The following PNPLA7 variants were observed in gnomAD, a reference collection of about 807,000 sequenced individuals.
PNPLA7 encodes the protein patatin like domain 7, lysophospholipase.
Under a neutral mutation model 161.7 loss-of-function variants are expected in PNPLA7, and 153 were observed. That is an observed-to-expected ratio of 0.95 (90% CI 0.83 to 1.08). The LOEUF is 1.08. Among genes scored for constraint, PNPLA7 ranks in the 50% least tolerant of loss-of-function variants. The probability of loss-of-function intolerance (pLI) is 0.00; values close to 1 mark genes in which losing one functional copy is unlikely to be tolerated. For synonymous variants in PNPLA7, 809 were observed against 782.1 expected, an observed-to-expected ratio of 1.03 and a Z score of -0.57; for missense variants, 1,739 against 1,856.6, an observed-to-expected ratio of 0.94 and a Z score of 1.16.
At chr9:137,526,422 C>T (rs1003907020) in intron 8 of PNPLA7, among the ~76,000 whole-genome samples, 3 of 152,212 alleles carry the variant, frequency 2.0e-5, no homozygotes, top group Non-Finnish European at 2.9e-5. Context: ...GGACTACAGG[C>T]GCCCGCCACC....
chr9:137,540,554 C>T lies in PNPLA7; in HGVS notation c.747+88G>A, dbSNP rs1426266274. On this transcript the variant is annotated intron_variant, in intron 8 of 34. Coordinates refer to ENST00000406427, the MANE Select transcript of PNPLA7 (RefSeq NM_001098537.3). This position sits in a 1 kb window ranked among gnomAD's most constrained non-coding sequence, Gnocchi z 5.1. Reference sequence around the variant, plus strand: ...TCACTGTGGAGAACTGGCCTTTAACCACTACCAGCTGTCCAGACAAGACAG... The same window carrying T: ...TCACTGTGGAGAACTGGCCTTTAACTACTACCAGCTGTCCAGACAAGACAG... The T allele has an allele frequency of 8.2e-7, 1 of 1,215,984 alleles. No homozygotes were observed. Among genetic ancestry groups the T allele is most frequent in the African/African-American group, 1.5e-5 (1 of 66,572 alleles). 75.3% of individuals were successfully genotyped at this position (1,215,984 alleles called of 1,614,324 possible). A position where few individuals can be genotyped will look rare whatever the true frequency, so the allele number is the denominator to read the frequency against.
chr9:137,501,050 G>T (rs768010617), intron 15 of PNPLA7, among the ~76,000 whole-genome samples, 154 bp from the exon 16 acceptor site: 1 of 152,306 alleles, frequency 6.6e-6, no homozygotes. Flanking sequence ...GAAACATTTC[G>T]GCAGCGTCTA....
intron 25 of PNPLA7, among the ~76,000 whole-genome samples, chr9:137,477,231 G>C (rs890420778): frequency 1.3e-5 from 2 of 152,250 alleles, no homozygotes; most frequent in Non-Finnish European, 2.9e-5. Flanking sequence ...CTCCATCTCT[G>C]TTCCAAGGGT....
intron 11 of PNPLA7, among the ~76,000 whole-genome samples, chr9:137,517,120 A>C (rs1273584276): frequency 1.9e-5 from 2 of 102,690 alleles, no homozygotes; most frequent in African/African-American, 3.8e-5. Flanking sequence ...CACTCACTCC[A>C]CTCTGTCCAC....
chr9:137,522,327 G>T (rs1279156420), intron 9 of PNPLA7, among the ~76,000 whole-genome samples: 1 of 151,440 alleles, frequency 6.6e-6, no homozygotes, highest in Non-Finnish European at 1.5e-5. Context: ...GCCCACCTCG[G>T]CCTCCCACAG....
At position 137,543,394 on chromosome 9, in the gene PNPLA7, G is replaced by A. The variant is rs1836317911; in HGVS notation, c.506+38C>T. 5 of 1,613,170 alleles carry A rather than the reference G, an allele frequency of 3.1e-6. No homozygotes were observed. In the African/African-American group the frequency reaches 6.7e-5, roughly 22 times the overall value. On this transcript the variant is annotated intron_variant, in intron 6 of 34. Coordinates refer to ENST00000406427, the MANE Select transcript of PNPLA7 (RefSeq NM_001098537.3). This position sits in a 1 kb window ranked among gnomAD's most constrained non-coding sequence, Gnocchi z 6.9. ...CCCAGCGAGAAGCCCGGGGCTATGG[G>A]AGCTGCCGCAGCCCCCGGGGCTCAT...
At chr9:137,502,517 A>T (rs115431827) in intron 14 of PNPLA7, among the ~76,000 whole-genome samples, 3 of 147,560 alleles carry the variant, frequency 2.0e-5, no homozygotes, top group Non-Finnish European at 3.0e-5. Flanking sequence ...GAATCTGAGC[A>T]GCCACATATC....
intron 13 of PNPLA7, 71 bp downstream of exon 13, chr9:137,505,912 C>T: frequency 1.3e-6 from 2 of 1,538,592 alleles, no homozygotes; most frequent in Non-Finnish European, 8.9e-7. Flanking sequence ...CGGCGGCGCC[C>T]CCAATGCACC....
intron 14 of PNPLA7, among the ~76,000 whole-genome samples, chr9:137,504,059 GAAGA>G (rs1833761221): frequency 1.5e-5 from 2 of 137,582 alleles, no homozygotes; most frequent in African/African-American, 2.8e-5. Context: ...GAAGGAAGAA[GAAGA>G]AAGAAGAAGG....
At position 137,479,047 on chromosome 9, in the gene PNPLA7, C is replaced by A. The variant is rs1305158479; in HGVS notation, c.2763+9G>T. ...GCCACGGGCAGGCAGCCTCCTCTCC[C>A]CGCCTCACCAGCTTGGGCAGGCTCC... is the stretch of plus-strand genomic sequence containing the variant. On this transcript the variant is annotated intron_variant, in intron 24 of 34. Transcript: ENST00000406427. The A allele has an allele frequency of 1.3e-6, 2 of 1,564,172 alleles. No individual in the cohort carries two copies. The highest frequency in any genetic ancestry group is 1.7e-6 in the Non-Finnish European group (2 of 1,150,824).
Position 137,550,293 on chromosome 9 carries a change from T to A in PNPLA7, c.-96A>T. 1.5e-6 allele frequency: 2 copies of A among 1,332,018 alleles called. No individual in the cohort carries two copies. The highest frequency in any genetic ancestry group is 1.7e-5 in the Admixed American group (1 of 58,318). The allele number at this position is 1,332,018 out of a possible 1,614,324, so 82.5% of individuals were successfully genotyped here. On this transcript the variant is annotated 5_prime_UTR_variant, in exon 1 of 35. Transcript: ENST00000406427. ...CCGCTCATGCTCACACCTGGACACT[T>A]TTCCCTGGGTTCCTTTCAAGTCAAA...
chr9:137,525,932 CTT>C (rs1037859076), intron 8 of PNPLA7, among the ~76,000 whole-genome samples: 1 of 149,894 alleles, frequency 6.7e-6, no homozygotes, highest in African/African-American at 2.5e-5. Context: ...TCACACTTGT[CTT>C]TGGTCGCTTC....
At position 137,486,192 on chromosome 9, in the gene PNPLA7, C is replaced by A. The variant is rs78238179; in HGVS notation, c.2198-1456G>T. On this transcript the variant is annotated intron_variant, in intron 20 of 34. Coordinates refer to ENST00000406427, the MANE Select transcript of PNPLA7 (RefSeq NM_001098537.3). The surrounding 1 kb of genome is among the most constrained non-coding windows in gnomAD (Gnocchi z 6.0). ...TGGCCAAGGTCAGAGTAAGGGGACG[C>A]GGCATGGTGAGGGAAGAGGCCAGGA... is the stretch of plus-strand genomic sequence containing the variant. Among the ~76,000 whole-genome samples the A allele has an allele frequency of 2.8e-4, 42 of 152,096 alleles. No homozygotes were observed. The highest frequency in any genetic ancestry group is 6.8e-3 in the Middle Eastern group (2 of 294).
intron 16 of PNPLA7, 148 bp from the exon 17 acceptor site, chr9:137,498,393 G>GCAC: frequency 8.4e-7 from 1 of 1,191,548 alleles, no homozygotes. Flanking sequence ...GACGGGGCAC[G>GCAC]CACCAGTCAG....
intron 29 of PNPLA7, chr9:137,463,085 A>G: frequency 1.7e-6 from 1 of 604,474 alleles, no homozygotes; most frequent in East Asian, 2.8e-5. Context: ...AGCAAGCTCG[A>G]CACCTGCAGG....
intron 11 of PNPLA7, chr9:137,516,305 A>T: frequency 1.0e-6 from 1 of 983,560 alleles, no homozygotes; most frequent in African/African-American, 1.8e-5. Context: ...TCTGCCCCTC[A>T]GGTGAAACGA....
At chr9:137,489,646 A>G (rs1832673519) in intron 20 of PNPLA7, among the ~76,000 whole-genome samples, 1 of 152,220 alleles carries the variant, frequency 6.6e-6, no homozygotes, top group Non-Finnish European at 1.5e-5. Context: ...ACAAAGACAA[A>G]GAGAGAACGT....
At chr9:137,522,904 C>A (rs764354629) in intron 8 of PNPLA7, 47 bp from the exon 9 acceptor site, 1 of 1,600,688 alleles carries the variant, frequency 6.2e-7, no homozygotes, top group African/African-American at 1.3e-5. Context: ...CCTGGCCAAC[C>A]CCCCAGGGAA....
At chr9:137,527,396 T>C (rs1835359463) in intron 8 of PNPLA7, among the ~76,000 whole-genome samples, 1 of 152,262 alleles carries the variant, frequency 6.6e-6, no homozygotes, top group Non-Finnish European at 1.5e-5. Flanking sequence ...CTTTCATTTT[T>C]TTAGTACAGA....
Sources: allele counts gnomAD v4.1 joint callset (sites outside exome capture counted in the v4.1 genomes callset), GRCh38; gene constraint gnomAD v4.1.1; non-coding constraint Gnocchi (gnomAD v3.1); transcripts MANE v1.5; gene names NCBI Gene and HGNC (gene_info 2026-07-23, HGNC 2026-07-21).